RYR1: variants seen among roughly 807,000 people sequenced by gnomAD.
RYR1 encodes the protein central core disease of muscle.
Under a neutral mutation model 583.5 loss-of-function variants are expected in RYR1, and 342 were observed. That is an observed-to-expected ratio of 0.59 (90% CI 0.54 to 0.64). RYR1 has a LOEUF of 0.64. RYR1 is among the 30% of genes least tolerant of loss of function. The pLI is 0.00. For missense variants in RYR1, 6,032 were observed against 6,917.2 expected (o/e 0.87, Z 4.54); for synonymous variants, 2,791 against 2,822.5 (o/e 0.99, Z 0.35).
chr19:38,548,178 G>A (rs1344313531), intron 88 of RYR1, 55 bp from the exon 89 acceptor site: 4 of 1,606,060 alleles, frequency 2.5e-6, no homozygotes, highest in East Asian at 2.2e-5. Flanking sequence ...GGCAAGCCTG[G>A]TGGGGCCCCA....
intron 27 of RYR1, 98 bp from the exon 28 acceptor site, chr19:38,473,279 T>C: frequency 6.9e-7 from 1 of 1,453,088 alleles, no homozygotes; most frequent in Non-Finnish European, 9.6e-7. Flanking sequence ...GCAGGTGCAC[T>C]ATGGCCTAAT....
chr19:38,536,842 GGGGCTGAGGATCTGGGAC>G, intron 83 of RYR1, 75 bp downstream of exon 83: 1 of 1,502,760 alleles, frequency 6.7e-7, no homozygotes, highest in Non-Finnish European at 9.3e-7. Flanking sequence ...CCTCCACCTA[GGGGCTGAGGATCTGGGAC>G]GTGGAGGGGA....
intron 89 of RYR1, among the ~76,000 whole-genome samples, chr19:38,560,816 TGA>T (rs1418061992): frequency 6.7e-6 from 1 of 149,978 alleles, no homozygotes; most frequent in Non-Finnish European, 1.5e-5. Context: ...CCCAGGAGTT[TGA>T]GACCAGCCTT....
In RYR1 at chr19:38,444,372, C is replaced by A; in HGVS notation, c.537+111C>A. 1.0e-6 allele frequency: 1 copy of A among 962,558 alleles called. No homozygotes were observed. Among genetic ancestry groups the A allele is most frequent in the Non-Finnish European group, 1.6e-6 (1 of 609,808 alleles). The allele number at this position is 962,558 out of a possible 1,614,324, so 59.6% of individuals were successfully genotyped here. The stretch of plus-strand genomic sequence containing the variant: ...TCTCCCACCCCCAAGGTCCTGACTC[C>A]CAATTTCCCATTTCCTGACCCCTGA... On this transcript the variant is annotated intron_variant, in intron 6 of 105. Coordinates refer to ENST00000359596, the MANE Select transcript of RYR1 (RefSeq NM_000540.3). This position sits in a 1 kb window ranked among gnomAD's most constrained non-coding sequence, Gnocchi z 5.1.
At position 38,494,466 on chromosome 19, in the gene RYR1, G is replaced by GGCTGGGTGA; in HGVS notation, c.6394_6402dup (p.Gly2132_Leu2134dup). On this transcript the variant is annotated inframe_insertion, in exon 39 of 106. Transcript: ENST00000359596. ...AGCCTCCTGCACCGGCAGTACGACG[G>GGCTGGGTGA]GCTGGGTGAGCTGCTGCGTGCCCTG... The GGCTGGGTGA allele has an allele frequency of 6.2e-7, 1 of 1,612,878 alleles. No homozygotes were observed. The highest frequency in any genetic ancestry group is 8.5e-7 in the Non-Finnish European group (1 of 1,180,016).
chr19:38,463,392 T>C, intron 20 of RYR1, 31 bp from the exon 21 acceptor site: 1 of 1,592,060 alleles, frequency 6.3e-7, no homozygotes, highest in South Asian at 1.1e-5. Flanking sequence ...AGAGGGACCT[T>C]GGGGTCTCAA....
intron 29 of RYR1, among the ~76,000 whole-genome samples, chr19:38,476,761 A>G (rs1968753419): frequency 6.6e-6 from 1 of 152,182 alleles, no homozygotes. Flanking sequence ...GGCAAAAGTC[A>G]TTTCACCACT....
chr19:38,499,299 C>A lies in RYR1; in HGVS notation c.7027+56C>A. ...AAGTATGGAGTCACTGGTCACACAC[C>A]TCCCTCGAGATGACTGCTCGCACCC... On this transcript the variant is annotated intron_variant, in intron 43 of 105. Transcript: ENST00000359596. The surrounding 1 kb of genome is among the most constrained non-coding windows in gnomAD (Gnocchi z 7.3). 1.2e-6 allele frequency: 2 copies of A among 1,613,030 alleles called. No individual in the cohort carries two copies. The highest frequency in any genetic ancestry group is 1.7e-6 in the Non-Finnish European group (2 of 1,179,246).
chr19:38,558,986 G>A (rs780100983), intron 89 of RYR1, among the ~76,000 whole-genome samples: 1 of 152,152 alleles, frequency 6.6e-6, no homozygotes, highest in East Asian at 2.0e-4. Context: ...CTACTCAGGA[G>A]GCTGAGACAG....
At chr19:38,448,277 G>A in intron 9 of RYR1, 78 bp from the exon 10 acceptor site, 2 of 1,495,248 alleles carry the variant, frequency 1.3e-6, no homozygotes. Context: ...GTAAAAAAAA[G>A]AAAAAGAAGA....
chr19:38,456,655 C>T (rs932087316), intron 16 of RYR1, among the ~76,000 whole-genome samples: 3 of 152,080 alleles, frequency 2.0e-5, no homozygotes, highest in Non-Finnish European at 4.4e-5. Flanking sequence ...TACACACACT[C>T]TGTAGTTTGC....
At chr19:38,479,857 C>G (rs1968923177) in intron 31 of RYR1, among the ~76,000 whole-genome samples, 1 of 151,992 alleles carries the variant, frequency 6.6e-6, no homozygotes, top group African/African-American at 2.4e-5. Flanking sequence ...GTTGAGAACA[C>G]AGGCACGTGC....
chr19:38,497,129 T>C (rs1246556557), intron 42 of RYR1, among the ~76,000 whole-genome samples, 175 bp downstream of exon 42: 1 of 152,178 alleles, frequency 6.6e-6, no homozygotes, highest in Non-Finnish European at 1.5e-5. Context: ...TGTTCATTCA[T>C]GGGATGCTTC....
intron 27 of RYR1, among the ~76,000 whole-genome samples, chr19:38,471,398 T>A (rs1157009689): frequency 6.6e-6 from 1 of 151,892 alleles, no homozygotes; most frequent in Admixed American, 6.6e-5. Context: ...GGCATGGTGG[T>A]ATGTGCCTGT....
intron 105 of RYR1, 144 bp from the exon 106 acceptor site, chr19:38,587,181 C>T: frequency 1.5e-6 from 1 of 673,798 alleles, no homozygotes. Context: ...ATCGCTTGAG[C>T]CAGGAGGCTG....
chr19:38,582,664 AG>A (rs1974267821), intron 101 of RYR1, among the ~76,000 whole-genome samples: 1 of 152,150 alleles, frequency 6.6e-6, no homozygotes, highest in South Asian at 2.1e-4. Flanking sequence ...TTTAAAAAAA[AG>A]TTTCACCCAA....
intron 58 of RYR1, among the ~76,000 whole-genome samples, chr19:38,509,838 C>CT (rs1448361019): frequency 2.0e-5 from 3 of 152,176 alleles, no homozygotes. Flanking sequence ...GAAATTAACT[C>CT]TAATTTGTTT....
rs1438478514 is a variant in RYR1, at chr19:38,527,651, A to G, written c.10691A>G (p.Glu3564Gly). The G allele has an allele frequency of 6.2e-7, 1 of 1,613,954 alleles. No homozygotes were observed. Among genetic ancestry groups the G allele is most frequent in the African/African-American group, 1.3e-5 (1 of 74,920 alleles). Residue 3564 changes from glutamate to glycine, a missense_variant, in exon 73 of 106, where the codon GAA becomes GGA. By Grantham distance (98) the Glu-to-Gly change is moderately conservative. Transcript: ENST00000359596. ...HNNLHLQGKVEGSPSLRWQMA... is the reference protein window; with the variant it reads ...HNNLHLQGKVGGSPSLRWQMA... ...ACTCCTTCTTCCTCCCTTCAGGTCG[A>G]AGGCTCCCCGTCTCTGCGCTGGCAG...
At chr19:38,481,387 A>T (rs769599636) in intron 31 of RYR1, among the ~76,000 whole-genome samples, 1 of 151,924 alleles carries the variant, frequency 6.6e-6, no homozygotes, top group Non-Finnish European at 1.5e-5. Flanking sequence ...TCCACCTCCC[A>T]TGTAATCCCA....
Sources: allele counts gnomAD v4.1 joint callset (sites outside exome capture counted in the v4.1 genomes callset), GRCh38; gene constraint gnomAD v4.1.1; non-coding constraint Gnocchi (gnomAD v3.1); transcripts MANE v1.5; gene names NCBI Gene and HGNC (gene_info 2026-07-23, HGNC 2026-07-21).